CD300A: variants seen among roughly 807,000 people sequenced by gnomAD.
The protein encoded by CD300A is CMRF35-like molecule 8.
In CD300A, 22 loss-of-function variants were observed where a neutral mutation model predicts 33.6. The observed-to-expected ratio is 0.66, with a 90% confidence interval of 0.47 to 0.94. The LOEUF (loss-of-function observed/expected upper bound fraction) is 0.94, where lower values mean the gene tolerates loss of function less well. Among genes scored for constraint, CD300A ranks in the 40% least tolerant of loss-of-function variants. The pLI is 0.00. For missense variants in CD300A, 326 were observed against 360.5 expected, an observed-to-expected ratio of 0.90 and a Z score of 0.77; for synonymous variants, 136 against 148.1, an observed-to-expected ratio of 0.92 and a Z score of 0.59.
At chr17:74,471,000 G>T (rs1393225161) in intron 1 of CD300A, among the ~76,000 whole-genome samples, 1 of 152,074 alleles carries the variant, frequency 6.6e-6, no homozygotes, top group Non-Finnish European at 1.5e-5. Flanking sequence ...AGGCTGAAGT[G>T]CAGTGATGCG....
upstream of CD300A, chr17:74,466,384 G>A (rs145247126): frequency 9.4e-5 from 30 of 318,972 alleles, no homozygotes; most frequent in East Asian, 2.9e-4. Flanking sequence ...GAGGAGACCC[G>A]GGGAAGTGAG....
chr17:74,477,768 G>A (rs1467388168), intron 4 of CD300A, among the ~76,000 whole-genome samples: 1 of 152,098 alleles, frequency 6.6e-6, no homozygotes, highest in Admixed American at 6.6e-5. Flanking sequence ...CAGGCCAAGG[G>A]TGGTTGCCCC....
chr17:74,473,913 G>A (rs1906283717), intron 2 of CD300A, 39 bp downstream of exon 2: 1 of 1,583,826 alleles, frequency 6.3e-7, no homozygotes, highest in African/African-American at 1.3e-5. Context: ...ATAGGCTCAG[G>A]TTGGAATTGT....
intron 6 of CD300A, among the ~76,000 whole-genome samples, chr17:74,482,697 C>CCTTCCTTTCTTT (rs760621763): frequency 3.1e-5 from 4 of 130,132 alleles, no homozygotes; most frequent in Non-Finnish European, 6.2e-5. Context: ...TTCCTTCCTT[C>CCTTCCTTTCTTT]CTTTCTTTCT....
At position 74,466,830 on chromosome 17, in the gene CD300A, C is replaced by A. The variant is rs1905742863; in HGVS notation, c.40+87C>A. On this transcript the variant is annotated intron_variant, in intron 1 of 6. Coordinates refer to ENST00000360141, the MANE Select transcript of CD300A (RefSeq NM_007261.4). ...GCAGGGCAGGTATCACACGAGACGC[C>A]CCGAGTCTGGACTCCGTGCAGAACG... 2.6e-6 allele frequency: 4 copies of A among 1,547,824 alleles called. No individual in the cohort carries two copies. In the South Asian group the frequency reaches 4.8e-5, roughly 18 times the overall value.
At chr17:74,466,389 A>C, upstream of CD300A, 1 of 319,204 alleles carries the variant, frequency 3.1e-6, no homozygotes, top group Non-Finnish European at 5.8e-6. Context: ...GACCCGGGGA[A>C]GTGAGAGTCG....
chr17:74,477,173 C>G (rs9889333), intron 3 of CD300A, among the ~76,000 whole-genome samples: 82,170 of 151,710 alleles, frequency 0.54, 24,746 homozygotes, highest in African/African-American at 0.8. Flanking sequence ...CTGAGACCAT[C>G]CTGGGCAATA....
intron 1 of CD300A, among the ~76,000 whole-genome samples, chr17:74,467,506 G>A (rs1365416537): frequency 6.6e-6 from 1 of 152,134 alleles, no homozygotes; most frequent in Non-Finnish European, 1.5e-5. Flanking sequence ...GCGTGGAGTT[G>A]AGTCTTCCCT....
chr17:74,482,732 T>TTCTTTCTTTCTTTCTTTCTC (rs1336360956), intron 6 of CD300A, among the ~76,000 whole-genome samples: 10 of 133,024 alleles, frequency 7.5e-5, no homozygotes, highest in East Asian at 2.0e-4. Flanking sequence ...CTTTCTTTCT[T>TTCTTTCTTTCTTTCTTTCTC]TGGAATCTCG....
intron 6 of CD300A, among the ~76,000 whole-genome samples, chr17:74,482,287 A>G (rs1477539366): frequency 5.9e-5 from 9 of 151,766 alleles, no homozygotes. Context: ...CCCACCTGCT[A>G]GTGGGAGAGT....
chr17:74,469,979 T>C (rs759150249), intron 1 of CD300A: 7 of 985,436 alleles, frequency 7.1e-6, no homozygotes, highest in Non-Finnish European at 8.4e-6. Context: ...TTCTGTGTTG[T>C]GTGTGGGTGT....
chr17:74,479,562 T>A (rs1287237171), intron 4 of CD300A, among the ~76,000 whole-genome samples: 1 of 152,134 alleles, frequency 6.6e-6, no homozygotes, highest in African/African-American at 2.4e-5. Flanking sequence ...ATTGGCCTCA[T>A]ACCACTCATT....
chr17:74,473,424 C>T, intron 1 of CD300A, 112 bp from the exon 2 acceptor site: 2 of 993,748 alleles, frequency 2.0e-6, no homozygotes, highest in South Asian at 3.1e-5. Context: ...CAAGGCCTCT[C>T]TGCCTGCCGC....
At chr17:74,467,148 A>G (rs981206651) in intron 1 of CD300A, among the ~76,000 whole-genome samples, 1 of 113,680 alleles carries the variant, frequency 8.8e-6, no homozygotes, top group Non-Finnish European at 1.8e-5. Context: ...CACTGGGTGC[A>G]GGGTATGGAG....
intron 5 of CD300A, 34 bp from the exon 6 acceptor site, chr17:74,481,692 G>A (rs566121296): frequency 1.7e-5 from 25 of 1,497,986 alleles, no homozygotes; most frequent in East Asian, 1.4e-4. Context: ...GCAGGGCTCC[G>A]TGGACACCCA....
At position 74,477,852 on chromosome 17, in the gene CD300A, C is replaced by T. The variant is rs575542919; in HGVS notation, c.628+322C>T. Among the ~76,000 whole-genome samples, 3 of 152,188 alleles carry T rather than the reference C, an allele frequency of 2.0e-5. No individual in the cohort carries two copies. The South Asian group carries it at 6.2e-4, about 32-fold the overall frequency. ...GTGCAGTGGTGTGCATCTGTAGTTC[C>T]AGCTACTCAGGAGGCTGAGATGGGA... On this transcript the variant is annotated intron_variant, in intron 4 of 6. Coordinates refer to ENST00000360141, the MANE Select transcript of CD300A (RefSeq NM_007261.4).
chr17:74,482,638 G>A (rs954743257), intron 6 of CD300A, among the ~76,000 whole-genome samples: 3 of 150,600 alleles, frequency 2.0e-5, no homozygotes, highest in African/African-American at 7.5e-5. Context: ...GAGGATGAGG[G>A]TGGTCTGGGG....
In CD300A at chr17:74,474,532, C is replaced by G. The variant is rs201023984; in HGVS notation, c.380C>G (p.Ala127Gly). 1.9e-6 allele frequency: 3 copies of G among 1,613,824 alleles called. No individual in the cohort carries two copies. Among genetic ancestry groups the G allele is most frequent in the Non-Finnish European group, 2.5e-6 (3 of 1,179,790 alleles). ...GTCTGACTTGTGGTTTTGCCACCAG[C>G]ATCAACGTCAATGACACCTGCAAGT... ...VVEVEVSVFP[A>G]STSMTPASIT... The change falls in exon 3 of 7, where the codon GCA becomes GGA. Residue 127 changes from alanine (A) to glycine (G), a missense_variant and splice_region_variant. By Grantham distance (60) the Ala-to-Gly change is moderately conservative. Coordinates refer to ENST00000360141, the MANE Select transcript of CD300A (RefSeq NM_007261.4).
At chr17:74,481,363 G>A in intron 5 of CD300A, 37 bp downstream of exon 5, 1 of 1,603,874 alleles carries the variant, frequency 6.2e-7, no homozygotes, top group African/African-American at 1.3e-5. Flanking sequence ...TCAGGTGGCT[G>A]GGCGGAGGGT....
Sources: gnomAD v4.1 joint callset for allele counts (sites outside exome capture counted in the v4.1 genomes callset) on GRCh38, gnomAD v4.1.1 for gene constraint, MANE v1.5 for transcripts, NCBI Gene and HGNC (gene_info 2026-07-23, HGNC 2026-07-21) for gene names.